The following RTL4 variants were observed in gnomAD, a reference collection of about 807,000 sequenced individuals.
The protein encoded by RTL4 is retrotransposon Gag-like protein 4.
In RTL4, 4 loss-of-function variants were observed where a neutral mutation model predicts 5.3. That is an observed-to-expected ratio of 0.75 (90% CI 0.37 to 1.72). The LOEUF is 1.72. Ranked by LOEUF, RTL4 falls within the 40% of genes most tolerant of loss-of-function variation. The pLI is 0.04. For synonymous variants in RTL4, 98 were observed against 87.3 expected (o/e 1.12, Z -0.68); for missense variants, 260 against 227.1 (o/e 1.14, Z -0.93).
At chrX:112,440,564 G>T in the RTL4 span, among the ~76,000 whole-genome samples, 1 of 111,937 alleles carries the variant, frequency 8.9e-6, no homozygotes, top group Non-Finnish European at 1.9e-5. Flanking sequence ...AGGGCTAGAG[G>T]GTGTTGGATA....
the RTL4 span, among the ~76,000 whole-genome samples, chrX:112,350,572 A>G: frequency 8.9e-4 from 99 of 111,536 alleles, no homozygotes; most frequent in African/African-American, 3.1e-3. Flanking sequence ...GAGAGATTCA[A>G]CTTCTTCCTG....
the RTL4 span, among the ~76,000 whole-genome samples, chrX:112,207,638 TG>T: frequency 4.3e-4 from 39 of 91,617 alleles, no homozygotes; most frequent in African/African-American, 1.7e-3. Flanking sequence ...CTAGTGGCAT[TG>T]TTTTTTTTTT....
the RTL4 span, among the ~76,000 whole-genome samples, chrX:112,261,640 G>A: frequency 2.7e-5 from 3 of 111,508 alleles, no homozygotes; most frequent in African/African-American, 9.8e-5. Flanking sequence ...TAGATTCAGT[G>A]CCATCCCCAT....
chrX:112,249,802 G>A, the RTL4 span, among the ~76,000 whole-genome samples: 5 of 107,585 alleles, frequency 4.6e-5, no homozygotes, highest in Admixed American at 1.0e-4. Context: ...TAGAGAGAGA[G>A]AGAGAGATAA....
the RTL4 span, among the ~76,000 whole-genome samples, chrX:112,179,779 G>A: frequency 4.5e-5 from 5 of 112,002 alleles, no homozygotes; most frequent in East Asian, 1.4e-3. Context: ...TAATATATTA[G>A]GAGATGATAA....
the RTL4 span, among the ~76,000 whole-genome samples, chrX:112,230,492 C>A: frequency 8.9e-6 from 1 of 112,351 alleles, no homozygotes; most frequent in Admixed American, 9.4e-5. Context: ...GAGGCAATGC[C>A]TCGCCCTGCT....
the RTL4 span, among the ~76,000 whole-genome samples, chrX:112,172,481 T>C: frequency 9.0e-6 from 1 of 111,341 alleles, no homozygotes; most frequent in African/African-American, 3.3e-5. Context: ...AGAATGGTGA[T>C]TATTAAAGTC....
At chrX:112,378,996 A>G in the RTL4 span, among the ~76,000 whole-genome samples, 1 of 112,551 alleles carries the variant, frequency 8.9e-6, no homozygotes, top group Non-Finnish European at 1.9e-5. Context: ...TGATTTTTCT[A>G]TATACAGAGC....
At chrX:112,397,807 T>C in the RTL4 span, among the ~76,000 whole-genome samples, 1 of 112,014 alleles carries the variant, frequency 8.9e-6, no homozygotes, top group African/African-American at 3.2e-5. Flanking sequence ...GTTGCTTATA[T>C]ATAGAAATAC....
At chrX:112,093,505 AAG>A in the RTL4 span, among the ~76,000 whole-genome samples, 1 of 111,360 alleles carries the variant, frequency 9.0e-6, no homozygotes, top group Non-Finnish European at 1.9e-5. Flanking sequence ...ATCATCTTTC[AAG>A]AGAGTTTTCT....
At chrX:112,326,162 G>A in the RTL4 span, among the ~76,000 whole-genome samples, 30 of 111,848 alleles carry the variant, frequency 2.7e-4, no homozygotes, top group African/African-American at 8.4e-4. Flanking sequence ...CAAGATGGCC[G>A]AATAGGAACA....
At chrX:112,285,535 C>T in the RTL4 span, among the ~76,000 whole-genome samples, 3 of 111,123 alleles carry the variant, frequency 2.7e-5, no homozygotes, top group Non-Finnish European at 5.7e-5. Flanking sequence ...TCAAGGCAAC[C>T]CTACAGGAAA....
At chrX:112,168,306 T>G in the RTL4 span, among the ~76,000 whole-genome samples, 1 of 111,925 alleles carries the variant, frequency 8.9e-6, no homozygotes, top group Non-Finnish European at 1.9e-5. Context: ...AAATTGTGTA[T>G]AAGGCATGAC....
At chrX:112,195,129 G>A in the RTL4 span, among the ~76,000 whole-genome samples, 2 of 111,595 alleles carry the variant, frequency 1.8e-5, no homozygotes, top group Non-Finnish European at 3.8e-5. Flanking sequence ...GAATGTGGAT[G>A]GTCCTAAAGA....
At chrX:112,183,593 A>G in the RTL4 span, among the ~76,000 whole-genome samples, 68 of 112,212 alleles carry the variant, frequency 6.1e-4, no homozygotes, top group South Asian at 0.024. Flanking sequence ...TAAAGGGATC[A>G]ATTCAACAAG....
At chrX:112,431,999 C>G in the RTL4 span, among the ~76,000 whole-genome samples, 9 of 96,140 alleles carry the variant, frequency 9.4e-5, no homozygotes, top group African/African-American at 3.4e-4. Flanking sequence ...TTTGTTCTTG[C>G]GATAGTTTAC....
At chrX:112,411,301 G>A in the RTL4 span, among the ~76,000 whole-genome samples, 2 of 111,253 alleles carry the variant, frequency 1.8e-5, no homozygotes, top group African/African-American at 6.5e-5. Flanking sequence ...CCAATCCTAA[G>A]TAAACTATTC....
the RTL4 span, among the ~76,000 whole-genome samples, chrX:112,098,570 C>G: frequency 1.8e-5 from 2 of 111,438 alleles, no homozygotes; most frequent in African/African-American, 6.6e-5. Context: ...GTTTACAGTC[C>G]CACCAACAGT....
At chrX:112,316,735 C>T in the RTL4 span, among the ~76,000 whole-genome samples, 2 of 111,859 alleles carry the variant, frequency 1.8e-5, no homozygotes, top group African/African-American at 3.2e-5. Context: ...TCCTTCCCTC[C>T]CACTTCTCCC....
Sources: allele counts gnomAD v4.1 joint callset (sites outside exome capture counted in the v4.1 genomes callset), GRCh38; gene constraint gnomAD v4.1.1; transcripts MANE v1.5; gene names NCBI Gene and HGNC (gene_info 2026-07-23, HGNC 2026-07-21).